Variants in HS6ST2 observed in about 807,000 individuals in gnomAD.
HS6ST2 encodes heparan-sulfate 6-O-sulfotransferase 2.
Under a neutral mutation model 33.0 loss-of-function variants are expected in HS6ST2, and 17 were observed. The observed-to-expected ratio is 0.52, with a 90% CI of 0.35 to 0.77. HS6ST2 has a LOEUF of 0.77. Among genes scored for constraint, HS6ST2 ranks in the 30% least tolerant of loss-of-function variants. The pLI is 0.01. For missense variants in HS6ST2, 519 were observed against 551.7 expected, an observed-to-expected ratio of 0.94 and a Z score of 0.59; for synonymous variants, 248 against 237.1, an observed-to-expected ratio of 1.05 and a Z score of -0.42.
intron 2 of HS6ST2, among the ~76,000 whole-genome samples, chrX:132,758,631 G>C (rs1422113534): frequency 9.0e-6 from 1 of 111,727 alleles, no homozygotes; most frequent in African/African-American, 3.3e-5. Context: ...TGATTGCCAA[G>C]TAGCCTGCAG....
chrX:132,879,412 A>G (rs1245790689), intron 2 of HS6ST2, among the ~76,000 whole-genome samples: 1 of 107,532 alleles, frequency 9.3e-6, no homozygotes, highest in Non-Finnish European at 1.9e-5. Context: ...TTGTAAATGT[A>G]GAAAGTGTGG....
At chrX:132,873,482 T>C (rs1264269263) in intron 2 of HS6ST2, among the ~76,000 whole-genome samples, 4 of 112,010 alleles carry the variant, frequency 3.6e-5, no homozygotes, top group African/African-American at 1.3e-4. Context: ...GTTTGAGAAT[T>C]AGATGCCTCT....
At chrX:132,775,522 G>A (rs944553857) in intron 2 of HS6ST2, among the ~76,000 whole-genome samples, 2 of 111,898 alleles carry the variant, frequency 1.8e-5, no homozygotes, top group African/African-American at 6.5e-5. Context: ...CCTTTTCTAA[G>A]TGAAATTACT....
chrX:132,791,575 A>G (rs1457961379), intron 2 of HS6ST2, among the ~76,000 whole-genome samples: 1 of 112,222 alleles, frequency 8.9e-6, no homozygotes, highest in East Asian at 2.8e-4. Context: ...ATGTCAAAAT[A>G]ATATTTTGTT....
intron 2 of HS6ST2, among the ~76,000 whole-genome samples, chrX:132,866,879 G>T (rs2065990550): frequency 9.3e-6 from 1 of 107,975 alleles, no homozygotes. Context: ...GACATTTTGG[G>T]CTGAGACGAT....
In HS6ST2 at chrX:132,628,995, T is replaced by G; in HGVS notation, c.1166A>C (p.His389Pro). The G allele has an allele frequency of 8.3e-7, 1 of 1,208,128 alleles. No individual in the cohort carries two copies. The highest frequency in any genetic ancestry group is 1.1e-6 in the Non-Finnish European group (1 of 893,777). The change falls in exon 5 of 5, where the codon CAT (histidine) becomes CCT (proline). Residue 389 changes from histidine to proline, a missense_variant. Physicochemically the swap from His to Pro is moderately conservative, Grantham distance 77. Coordinates refer to ENST00000370833, the MANE Select transcript of HS6ST2 (RefSeq NM_001394073.1). ...QRGATWKASL[H>P]VCDGRPPTSE... Reference sequence around the variant, plus strand: ...GGTTGGAGGCCTTCCATCGCAGACATGCAGGGATGCTTTCCATGTTGCCCC... The same window carrying G: ...GGTTGGAGGCCTTCCATCGCAGACAGGCAGGGATGCTTTCCATGTTGCCCC...
rs1182249574 is a variant in HS6ST2, at chrX:132,716,803, T to G, written c.948-8309A>C. 2.7e-5 allele frequency among the ~76,000 whole-genome samples: 3 copies of G among 112,326 alleles called. No individual in the cohort carries two copies. The Admixed American group carries it at 2.8e-4, about 11-fold the overall frequency. On this transcript the variant is annotated intron_variant, in intron 2 of 4. Transcript: ENST00000370833. ...TGTACTGGGAGTTATTTTATCCCAT[T>G]TCATTTCCATGTTTCAGATCGTTGG...
At chrX:132,883,475 C>G (rs775226270) in intron 2 of HS6ST2, among the ~76,000 whole-genome samples, 2 of 110,993 alleles carry the variant, frequency 1.8e-5, no homozygotes, top group Admixed American at 1.9e-4. Flanking sequence ...GTGGTGATAT[C>G]TCCTTTACCA....
intron 2 of HS6ST2, among the ~76,000 whole-genome samples, chrX:132,932,604 C>T (rs922687828): frequency 3.6e-5 from 4 of 110,430 alleles, no homozygotes; most frequent in African/African-American, 9.9e-5. Flanking sequence ...CACGAAAAGA[C>T]GTAGAAAGGC....
At chrX:132,683,671 A>G (rs948723246) in intron 3 of HS6ST2, among the ~76,000 whole-genome samples, 4 of 111,484 alleles carry the variant, frequency 3.6e-5, no homozygotes, top group African/African-American at 1.3e-4. Context: ...ATTTGGGGGC[A>G]TACAGAAATT....
At chrX:132,717,500 A>G (rs2064286360) in intron 2 of HS6ST2, among the ~76,000 whole-genome samples, 1 of 112,728 alleles carries the variant, frequency 8.9e-6, no homozygotes, top group Non-Finnish European at 1.9e-5. Flanking sequence ...AAAGATATGA[A>G]AACTACCCCC....
chrX:132,857,541 A>G (rs1274221229), intron 2 of HS6ST2, among the ~76,000 whole-genome samples: 1 of 111,696 alleles, frequency 9.0e-6, no homozygotes, highest in Non-Finnish European at 1.9e-5. Context: ...TTTTCCTTAC[A>G]GTACTGGATA....
intron 2 of HS6ST2, among the ~76,000 whole-genome samples, chrX:132,844,190 G>A (rs760604332): frequency 9.0e-6 from 1 of 111,174 alleles, no homozygotes; most frequent in African/African-American, 3.3e-5. Flanking sequence ...GAGGTTTCCT[G>A]GACTCATCCT....
intron 2 of HS6ST2, among the ~76,000 whole-genome samples, chrX:132,790,668 C>A (rs1199600237): frequency 8.9e-6 from 1 of 112,078 alleles, no homozygotes; most frequent in Non-Finnish European, 1.9e-5. Flanking sequence ...GTATTTGGCT[C>A]TCTTTCATAA....
intron 2 of HS6ST2, among the ~76,000 whole-genome samples, chrX:132,882,013 T>C (rs1221737042): frequency 9.0e-6 from 1 of 111,687 alleles, no homozygotes; most frequent in Non-Finnish European, 1.9e-5. Context: ...TACCATGCTG[T>C]TTTGGTTACT....
At chrX:132,775,295 T>A (rs2064945966) in intron 2 of HS6ST2, among the ~76,000 whole-genome samples, 1 of 111,476 alleles carries the variant, frequency 9.0e-6, no homozygotes, top group Non-Finnish European at 1.9e-5. Flanking sequence ...GGAAACTTTC[T>A]ACAGTTCTCC....
chrX:132,782,056 A>C (rs955071389), intron 2 of HS6ST2, among the ~76,000 whole-genome samples: 3 of 111,533 alleles, frequency 2.7e-5, no homozygotes, highest in African/African-American at 9.8e-5. Flanking sequence ...AGTGTTTGGG[A>C]GGAGGGGTGA....
chrX:132,660,074 T>G (rs2046788796), intron 4 of HS6ST2, among the ~76,000 whole-genome samples: 1 of 111,360 alleles, frequency 9.0e-6, no homozygotes, highest in Non-Finnish European at 1.9e-5. Context: ...CTCCCCTGCT[T>G]TTTCCAAATT....
intron 2 of HS6ST2, among the ~76,000 whole-genome samples, chrX:132,945,344 G>C (rs1035633565): frequency 4.5e-5 from 5 of 111,691 alleles, no homozygotes; most frequent in Non-Finnish European, 9.4e-5. Context: ...TCATTAAAAA[G>C]TCAAGAAACA....
Sources: gnomAD v4.1 joint callset for allele counts (sites outside exome capture counted in the v4.1 genomes callset) on GRCh38, gnomAD v4.1.1 for gene constraint, MANE v1.5 for transcripts, NCBI Gene and HGNC (gene_info 2026-07-23, HGNC 2026-07-21) for gene names.